The following PDE11A variants were observed in gnomAD, a reference collection of about 807,000 sequenced individuals.
The protein encoded by PDE11A is dual 3',5'-cyclic-AMP and -GMP phosphodiesterase 11A.
A neutral mutation model predicts 100.5 loss-of-function variants in PDE11A; 100 were observed. That is an observed-to-expected ratio of 1.00 (90% CI 0.85 to 1.18). The LOEUF is 1.18. Among genes scored for constraint, PDE11A ranks in the 50% most tolerant of loss-of-function variants. The pLI is 0.00. For synonymous variants in PDE11A, 381 were observed against 420.8 expected (o/e 0.91, Z 1.16); for missense variants, 1,141 against 1,152.6 (o/e 0.99, Z 0.15).
At chr2:177,950,833 C>A (rs1183806923) in intron 2 of PDE11A, among the ~76,000 whole-genome samples, 1 of 152,162 alleles carries the variant, frequency 6.6e-6, no homozygotes, top group East Asian at 1.9e-4. Flanking sequence ...ATGGCATGAA[C>A]CCGGGAGGCG....
intron 19 of PDE11A, among the ~76,000 whole-genome samples, chr2:177,662,900 G>C (rs993978340): frequency 1.2e-4 from 18 of 152,284 alleles, no homozygotes; most frequent in African/African-American, 4.3e-4. Flanking sequence ...TGAAAACAAA[G>C]TGGTAGATGA....
At chr2:177,705,969 G>T (rs1413212372) in intron 13 of PDE11A, among the ~76,000 whole-genome samples, 1 of 152,146 alleles carries the variant, frequency 6.6e-6, no homozygotes, top group African/African-American at 2.4e-5. Context: ...ATAGAGAGAA[G>T]GATGAGTGGG....
intron 19 of PDE11A, among the ~76,000 whole-genome samples, chr2:177,658,490 TCTC>T (rs949583934): frequency 8.6e-5 from 13 of 150,578 alleles, no homozygotes; most frequent in East Asian, 4.0e-4. Context: ...TCCCCTCTCC[TCTC>T]CTCTTCTTTT....
intron 2 of PDE11A, among the ~76,000 whole-genome samples, chr2:177,947,321 GA>G (rs2085455333): frequency 6.7e-6 from 1 of 149,208 alleles, no homozygotes; most frequent in Non-Finnish European, 1.5e-5. Flanking sequence ...TTGTGGAATA[GA>G]AAGGCGGGAA....
chr2:178,100,053 T>A (rs111840034), intron 2 of PDE11A, among the ~76,000 whole-genome samples: 127 of 152,314 alleles, frequency 8.3e-4, no homozygotes, highest in African/African-American at 2.8e-3. Flanking sequence ...ATTATATACC[T>A]AGGGCAGTCA....
In PDE11A at chr2:177,698,765, C is replaced by T. The variant is rs147480486; in HGVS notation, c.2245-1333G>A. Among the ~76,000 whole-genome samples, 19 of 152,288 alleles carry T rather than the reference C, an allele frequency of 1.2e-4. No homozygotes were observed. In the East Asian group the frequency reaches 3.5e-3, roughly 28 times the overall value. On this transcript the variant is annotated intron_variant, in intron 14 of 19. Transcript: ENST00000286063. ...ATAATTTTCAAATGAGCTCTTCAGA[C>T]CCTTAATTCAGCTGTTAAGAAGAAG...
At chr2:177,799,289 T>C (rs909741058) in intron 9 of PDE11A, among the ~76,000 whole-genome samples, 1 of 152,044 alleles carries the variant, frequency 6.6e-6, no homozygotes, top group South Asian at 2.1e-4. Context: ...TTGGTTAAGA[T>C]TAAGGAAATA....
intron 13 of PDE11A, among the ~76,000 whole-genome samples, chr2:177,705,184 C>T (rs2081260718): frequency 1.3e-5 from 2 of 151,864 alleles, no homozygotes; most frequent in Non-Finnish European, 2.9e-5. Flanking sequence ...TCACATAATA[C>T]ACTTCCACTT....
intron 4 of PDE11A, among the ~76,000 whole-genome samples, chr2:177,885,755 C>T (rs1290384985): frequency 6.6e-6 from 1 of 152,154 alleles, no homozygotes; most frequent in East Asian, 1.9e-4. Flanking sequence ...ATCTCTTCCC[C>T]TTGAGTGTAG....
chr2:177,755,117 G>T (rs1214871283), intron 10 of PDE11A, among the ~76,000 whole-genome samples: 1 of 152,160 alleles, frequency 6.6e-6, no homozygotes, highest in African/African-American at 2.4e-5. Context: ...GACCTGATGG[G>T]CTAGTCATTA....
At chr2:177,670,381 AT>A (rs71010814) in intron 17 of PDE11A, among the ~76,000 whole-genome samples, 122,736 of 151,326 alleles carry the variant, frequency 0.81, 50,489 homozygotes, top group East Asian at 0.98. Flanking sequence ...AGCTAAACAG[AT>A]TTTTTTTTTT....
chr2:177,690,715 G>C (rs1222215078), intron 15 of PDE11A, among the ~76,000 whole-genome samples: 2 of 129,096 alleles, frequency 1.5e-5, no homozygotes, highest in Non-Finnish European at 3.5e-5. Context: ...ATCACAAAGA[G>C]AGGTGGCAAA....
At chr2:177,899,335 G>C (rs1057378250) in intron 3 of PDE11A, among the ~76,000 whole-genome samples, 2 of 152,102 alleles carry the variant, frequency 1.3e-5, no homozygotes, top group South Asian at 2.1e-4. Flanking sequence ...TGAACCCAGG[G>C]AGCAGAGGTT....
chr2:177,995,649 C>CCCT (rs756005819), intron 2 of PDE11A, among the ~76,000 whole-genome samples: 1 of 151,234 alleles, frequency 6.6e-6, no homozygotes, highest in East Asian at 1.9e-4. Context: ...AAACACCACC[C>CCCT]ACCCCGCATC....
chr2:177,720,526 G>A (rs2081511211), intron 12 of PDE11A, among the ~76,000 whole-genome samples: 1 of 152,038 alleles, frequency 6.6e-6, no homozygotes, highest in African/African-American at 2.4e-5. Context: ...ACCAATAAAT[G>A]GGTCTGCTGA....
intron 9 of PDE11A, among the ~76,000 whole-genome samples, chr2:177,777,403 A>G (rs2082392884): frequency 6.6e-6 from 1 of 152,206 alleles, no homozygotes; most frequent in South Asian, 2.1e-4. Flanking sequence ...CTTCAAGAGA[A>G]TCGTTACTGT....
At chr2:177,860,947 A>G (rs1056544230) in intron 5 of PDE11A, among the ~76,000 whole-genome samples, 3 of 151,868 alleles carry the variant, frequency 2.0e-5, no homozygotes, top group African/African-American at 7.2e-5. Context: ...CCTCAAACTA[A>G]TAAAAGGACA....
intron 5 of PDE11A, among the ~76,000 whole-genome samples, chr2:177,869,206 C>T (rs1221277590): frequency 2.6e-5 from 4 of 152,306 alleles, no homozygotes; most frequent in African/African-American, 9.6e-5. Flanking sequence ...AAAACAACAC[C>T]TATTTATTAT....
chr2:177,981,734 G>T lies in PDE11A; in HGVS notation c.1071+32568C>A, dbSNP rs192882757. 3.3e-5 allele frequency among the ~76,000 whole-genome samples: 5 copies of T among 150,986 alleles called. No individual in the cohort carries two copies. In the East Asian group the frequency reaches 9.7e-4, roughly 29 times the overall value. ...AACTCACCCTATAACAATTATTTAT[G>T]AAATTATCTTGCTAGAAATATTCTG... is the stretch of plus-strand genomic sequence containing the variant. On this transcript the variant is annotated intron_variant, in intron 2 of 19. Transcript: ENST00000286063.
Sources: allele counts gnomAD v4.1 joint callset (sites outside exome capture counted in the v4.1 genomes callset), GRCh38; gene constraint gnomAD v4.1.1; transcripts MANE v1.5; gene names NCBI Gene and HGNC (gene_info 2026-07-23, HGNC 2026-07-21).